MAN1A1: variants seen among roughly 807,000 people sequenced by gnomAD.
The protein encoded by MAN1A1 is mannosyl-oligosaccharide 1,2-alpha-mannosidase IA.
Under a neutral mutation model 70.8 loss-of-function variants are expected in MAN1A1, and 29 were observed. The ratio of observed to expected loss-of-function variants is 0.41; its 90% CI spans 0.31 to 0.56. The LOEUF is 0.56. MAN1A1 is among the 20% of genes least tolerant of loss of function. The pLI is 0.29. For synonymous variants in MAN1A1, 349 were observed against 330.1 expected, an observed-to-expected ratio of 1.06 and a Z score of -0.62; for missense variants, 747 against 841.3, an observed-to-expected ratio of 0.89 and a Z score of 1.39.
At chr6:119,321,807 C>A (rs1408141709) in intron 2 of MAN1A1, among the ~76,000 whole-genome samples, 1 of 151,798 alleles carries the variant, frequency 6.6e-6, no homozygotes, top group African/African-American at 2.4e-5. Context: ...TTAGTAGGGA[C>A]AGGATTTTGA....
intron 5 of MAN1A1, among the ~76,000 whole-genome samples, chr6:119,267,633 A>T (rs1163286734): frequency 6.6e-6 from 1 of 152,136 alleles, no homozygotes; most frequent in African/African-American, 2.4e-5. Flanking sequence ...AGATCAAGAA[A>T]CAGGACTTTG....
At chr6:119,189,552 T>C in intron 10 of MAN1A1, 112 bp downstream of exon 10, 1 of 893,160 alleles carries the variant, frequency 1.1e-6, no homozygotes, top group Non-Finnish European at 1.8e-6. Context: ...TTAATCACGA[T>C]CATCAAGCTT....
chr6:119,288,873 A>C (rs759802837), intron 5 of MAN1A1, among the ~76,000 whole-genome samples: 4 of 151,824 alleles, frequency 2.6e-5, no homozygotes, highest in Non-Finnish European at 5.9e-5. Context: ...CAGAAAACCT[A>C]CATGTAATAA....
chr6:119,288,408 T>G (rs1357400492), intron 5 of MAN1A1, among the ~76,000 whole-genome samples: 1 of 151,970 alleles, frequency 6.6e-6, no homozygotes, highest in Non-Finnish European at 1.5e-5. Context: ...ATCAACTATT[T>G]AAAACCAACT....
intron 5 of MAN1A1, among the ~76,000 whole-genome samples, chr6:119,285,625 A>G (rs1357663623): frequency 1.4e-5 from 2 of 144,878 alleles, no homozygotes; most frequent in Non-Finnish European, 3.0e-5. Context: ...TTTTTTTCCA[A>G]TTAGGCCTTT....
chr6:119,349,075 T>C lies in MAN1A1; in HGVS notation c.-10A>G, dbSNP rs1277033580. On this transcript the variant is annotated 5_prime_UTR_variant, in exon 2 of 13. Transcript: ENST00000368468. ...GGCCCCCCACGGGCATCGCTCCCGC[T>C]GTCCAGTGGTCCGGCGCCGCGCCGC... is the stretch of plus-strand genomic sequence containing the variant. 1.5e-6 allele frequency: 2 copies of C among 1,298,962 alleles called. No individual in the cohort carries two copies. Among genetic ancestry groups the C allele is most frequent in the African/African-American group, 3.1e-5 (2 of 64,688 alleles). 80.5% of individuals were successfully genotyped at this position (1,298,962 alleles called of 1,614,324 possible).
At chr6:119,274,844 GAA>G (rs752297814) in intron 5 of MAN1A1, among the ~76,000 whole-genome samples, 2 of 152,288 alleles carry the variant, frequency 1.3e-5, no homozygotes, top group Non-Finnish European at 1.5e-5. Context: ...CTCTATTGAT[GAA>G]AAGAGTCAGA....
At chr6:119,295,385 T>C (rs1032246311) in intron 4 of MAN1A1, among the ~76,000 whole-genome samples, 4 of 152,158 alleles carry the variant, frequency 2.6e-5, no homozygotes, top group African/African-American at 7.2e-5. Context: ...AATTTTAGTT[T>C]TGGAGCAGAT....
chr6:119,350,475 G>GA (rs1009030823), upstream of MAN1A1: 186 of 975,364 alleles, frequency 1.9e-4, no homozygotes, highest in Non-Finnish European at 2.2e-4. Context: ...ACAAAAAACC[G>GA]AAAAAACTTG....
intron 9 of MAN1A1, 92 bp downstream of exon 9, chr6:119,193,685 C>G (rs915126894): frequency 1.4e-6 from 1 of 732,382 alleles, no homozygotes; most frequent in Non-Finnish European, 2.3e-6. Flanking sequence ...GTAACTCACT[C>G]ATGTAGTATA....
At chr6:119,321,856 G>C (rs944869486) in intron 2 of MAN1A1, among the ~76,000 whole-genome samples, 1 of 151,842 alleles carries the variant, frequency 6.6e-6, no homozygotes, top group Non-Finnish European at 1.5e-5. Flanking sequence ...TAACCTCAAG[G>C]GATCCACCCA....
intron 6 of MAN1A1, among the ~76,000 whole-genome samples, chr6:119,243,057 TAC>T (rs1188358055): frequency 5.3e-5 from 8 of 152,134 alleles, no homozygotes; most frequent in Non-Finnish European, 1.2e-4. Context: ...AAAACTTTTC[TAC>T]AGTTTCTAAA....
rs1211433017 is a variant in MAN1A1 at position 119,265,853 on chromosome 6, A to G, written c.898-17499T>C. On this transcript the variant is annotated intron_variant, in intron 5 of 12. Coordinates refer to ENST00000368468, the MANE Select transcript of MAN1A1 (RefSeq NM_005907.4). ...AAATAAAATTTTGTCTGCAGATGACATATTTTCTATGCAGAAAATCTGAAT... is the reference window on the plus strand; with the variant it reads ...AAATAAAATTTTGTCTGCAGATGACGTATTTTCTATGCAGAAAATCTGAAT... Among the ~76,000 whole-genome samples, 3 of 152,304 alleles carry G rather than the reference A, an allele frequency of 2.0e-5. No homozygotes were observed. The East Asian group carries it at 5.8e-4, about 29-fold the overall frequency.
rs558630084 is a variant in MAN1A1 at position 119,328,630 on chromosome 6, TAGAC to T, written c.603+19829_603+19832del. On this transcript the variant is annotated intron_variant, in intron 2 of 12. Transcript: ENST00000368468. ...GAATAAGATTTAAATTGGGTCTTGA[TAGAC>T]AGGTAGGATTTCAAAAGATAAGACC... 1.8e-4 allele frequency among the ~76,000 whole-genome samples: 27 copies of T among 152,336 alleles called. No homozygotes were observed. The South Asian group carries it at 2.1e-3, about 12-fold the overall frequency.
At chr6:119,211,712 C>G (rs754736405) in intron 6 of MAN1A1, among the ~76,000 whole-genome samples, 18 of 152,074 alleles carry the variant, frequency 1.2e-4, no homozygotes, top group Admixed American at 9.2e-4. Context: ...AAAATAACAA[C>G]AGGGTGGTAA....
At chr6:119,224,515 T>C (rs778795818) in intron 6 of MAN1A1, among the ~76,000 whole-genome samples, 3 of 152,200 alleles carry the variant, frequency 2.0e-5, no homozygotes, top group African/African-American at 4.8e-5. Flanking sequence ...ACACAGTTTA[T>C]GGTTTGAATC....
intron 6 of MAN1A1, among the ~76,000 whole-genome samples, chr6:119,228,747 T>G (rs1774589335): frequency 6.6e-6 from 1 of 152,098 alleles, no homozygotes; most frequent in Non-Finnish European, 1.5e-5. Flanking sequence ...TATCCATAAA[T>G]GAAAATAAAT....
chr6:119,315,950 G>C (rs1166698491), intron 2 of MAN1A1, among the ~76,000 whole-genome samples: 2 of 152,100 alleles, frequency 1.3e-5, no homozygotes, highest in African/African-American at 4.8e-5. Context: ...TGTTTATTCG[G>C]CAGATTTTTA....
chr6:119,193,703 T>A, intron 9 of MAN1A1, 74 bp downstream of exon 9: 1 of 951,578 alleles, frequency 1.1e-6, no homozygotes, highest in Non-Finnish European at 1.6e-6. Context: ...ATACCACTTA[T>A]TCATTAAAAC....
Sources: gnomAD v4.1 joint callset for allele counts (sites outside exome capture counted in the v4.1 genomes callset) on GRCh38, gnomAD v4.1.1 for gene constraint, MANE v1.5 for transcripts, NCBI Gene and HGNC (gene_info 2026-07-23, HGNC 2026-07-21) for gene names.